Variants in TBL1XR1 observed in about 807,000 individuals in gnomAD.
TBL1XR1 encodes F-box-like/WD repeat-containing protein TBL1XR1.
Under a neutral mutation model 66.9 loss-of-function variants are expected in TBL1XR1, and 5 were observed. The observed-to-expected ratio is 0.07, with a 90% CI of 0.04 to 0.16. The LOEUF (loss-of-function observed/expected upper bound fraction) is 0.16, where lower values mean the gene tolerates loss of function less well. Among genes scored for constraint, TBL1XR1 ranks in the 10% least tolerant of loss-of-function variants. The pLI, the probability that TBL1XR1 is intolerant of heterozygous loss-of-function variation, is 1.00. For synonymous variants in TBL1XR1, 210 were observed against 206.0 expected (o/e 1.02, Z -0.17); for missense variants, 238 against 623.2 (o/e 0.38, Z 6.58).
At chr3:177,115,967 A>C (rs1032213249) in intron 1 of TBL1XR1, among the ~76,000 whole-genome samples, 6 of 152,122 alleles carry the variant, frequency 3.9e-5, no homozygotes, top group East Asian at 1.9e-4. Flanking sequence ...AGGAATGAGG[A>C]GGCCAGGGGA....
At chr3:177,072,782 G>A (rs1720202717) in intron 2 of TBL1XR1, among the ~76,000 whole-genome samples, 1 of 152,194 alleles carries the variant, frequency 6.6e-6, no homozygotes, top group Admixed American at 6.5e-5. Flanking sequence ...TGAATGAAAT[G>A]GCCAGGCGCA....
intron 1 of TBL1XR1, among the ~76,000 whole-genome samples, chr3:177,146,275 C>A (rs1205260888): frequency 2.6e-5 from 4 of 151,904 alleles, no homozygotes; most frequent in Non-Finnish European, 5.9e-5. Context: ...AGTTTTCTGG[C>A]TTTCATATGA....
At chr3:177,135,030 T>C (rs1322079832) in intron 1 of TBL1XR1, among the ~76,000 whole-genome samples, 1 of 146,972 alleles carries the variant, frequency 6.8e-6, no homozygotes, top group Non-Finnish European at 1.5e-5. Flanking sequence ...CAGGCTGGAG[T>C]GCAGTGCTGT....
intron 1 of TBL1XR1, among the ~76,000 whole-genome samples, chr3:177,124,088 A>G (rs1488492437): frequency 6.6e-6 from 1 of 152,078 alleles, no homozygotes; most frequent in Non-Finnish European, 1.5e-5. Flanking sequence ...AAGAAGCCAG[A>G]AAGAACTAGA....
rs180907311 is a variant in TBL1XR1, at chr3:177,129,494, A to G, written c.-121-30953T>C. 2.1e-3 allele frequency among the ~76,000 whole-genome samples: 326 copies of G among 152,348 alleles called. 9 individuals carry two copies. The highest frequency in any genetic ancestry group is 1.5e-4 in the Non-Finnish European group (10 of 68,028). On this transcript the variant is annotated intron_variant, in intron 1 of 15. Transcript: ENST00000457928. ...TATAATGCTGAGAAAAACAAGCCAT[A>G]AACAAGAGCACACACTGTATGTTTA...
intron 2 of TBL1XR1, among the ~76,000 whole-genome samples, chr3:177,078,258 T>G (rs1293960947): frequency 6.6e-6 from 1 of 152,174 alleles, no homozygotes; most frequent in Non-Finnish European, 1.5e-5. Context: ...ATTTTTAAAC[T>G]TTCATAAATA....
intron 2 of TBL1XR1, among the ~76,000 whole-genome samples, chr3:177,069,669 G>A (rs1288212477): frequency 6.6e-6 from 1 of 151,946 alleles, no homozygotes; most frequent in East Asian, 1.9e-4. Flanking sequence ...AACCCGGGAG[G>A]TGGAGGTTAC....
chr3:177,044,322 T>A (rs1428663647), intron 10 of TBL1XR1, among the ~76,000 whole-genome samples: 2 of 152,176 alleles, frequency 1.3e-5, no homozygotes, highest in Non-Finnish European at 2.9e-5. Flanking sequence ...AATCTGCACA[T>A]AGCTTTTGAC....
At chr3:177,101,865 T>A (rs999280842) in intron 1 of TBL1XR1, among the ~76,000 whole-genome samples, 1 of 152,128 alleles carries the variant, frequency 6.6e-6, no homozygotes, top group Non-Finnish European at 1.5e-5. Context: ...CACTTTTTCC[T>A]CCAAATAGCA....
intron 2 of TBL1XR1, among the ~76,000 whole-genome samples, chr3:177,071,136 T>C (rs1719951521): frequency 6.7e-6 from 1 of 148,702 alleles, no homozygotes; most frequent in Non-Finnish European, 1.5e-5. Flanking sequence ...GTTCACGCCA[T>C]TCTACTGCCT....
chr3:177,198,536 G>C (rs1737221348), upstream of TBL1XR1, among the ~76,000 whole-genome samples: 7 of 152,238 alleles, frequency 4.6e-5, no homozygotes, highest in South Asian at 1.5e-3. Flanking sequence ...AGGGAGGGTT[G>C]TTTTTAAAGA....
chr3:177,121,098 A>AT (rs1726927846), intron 1 of TBL1XR1, among the ~76,000 whole-genome samples: 3 of 152,188 alleles, frequency 2.0e-5, no homozygotes, highest in Admixed American at 2.0e-4. Context: ...AATTAGTTCC[A>AT]TTATAACCTA....
At chr3:177,100,428 C>CT (rs879594412) in intron 1 of TBL1XR1, among the ~76,000 whole-genome samples, 299 of 146,042 alleles carry the variant, frequency 2.0e-3, no homozygotes, top group Middle Eastern at 3.6e-3. Flanking sequence ...GAATAATGTA[C>CT]TTTTTTTTTT....
chr3:177,124,610 AT>A (rs2108766373), intron 1 of TBL1XR1, among the ~76,000 whole-genome samples: 1 of 152,222 alleles, frequency 6.6e-6, no homozygotes, highest in Admixed American at 6.5e-5. Flanking sequence ...TCTCATTCTC[AT>A]TTAAAAAATG....
chr3:177,159,820 T>C (rs1466636853), intron 1 of TBL1XR1, among the ~76,000 whole-genome samples: 1 of 144,252 alleles, frequency 6.9e-6, no homozygotes, highest in Non-Finnish European at 1.5e-5. Flanking sequence ...TGCTGGCCCC[T>C]GAGTTTCAAG....
At chr3:177,051,874 G>A in intron 4 of TBL1XR1, 148 bp from the exon 5 acceptor site, 2 of 1,016,400 alleles carry the variant, frequency 2.0e-6, no homozygotes, top group East Asian at 2.8e-5. Flanking sequence ...AAGTCCGGAG[G>A]GAATAAAGAA....
chr3:177,102,376 C>T (rs944441626), intron 1 of TBL1XR1, among the ~76,000 whole-genome samples: 1 of 152,118 alleles, frequency 6.6e-6, no homozygotes, highest in Non-Finnish European at 1.5e-5. Context: ...TAGAAACATA[C>T]GCAGGACCAT....
intron 1 of TBL1XR1, among the ~76,000 whole-genome samples, chr3:177,108,606 AAT>A (rs1451395648): frequency 1.3e-5 from 2 of 152,212 alleles, no homozygotes; most frequent in Non-Finnish European, 2.9e-5. Context: ...AAGTAATACT[AAT>A]ATCAGTTAAT....
At chr3:177,199,003 C>G (rs533850799), upstream of TBL1XR1, among the ~76,000 whole-genome samples, 2 of 152,190 alleles carry the variant, frequency 1.3e-5, no homozygotes, top group East Asian at 1.9e-4. Context: ...CTCTTTCCCC[C>G]CTGAGCCCTT....
Sources: gnomAD v4.1 joint callset for allele counts (sites outside exome capture counted in the v4.1 genomes callset) on GRCh38, gnomAD v4.1.1 for gene constraint, MANE v1.5 for transcripts, NCBI Gene and HGNC (gene_info 2026-07-23, HGNC 2026-07-21) for gene names.